Variants in MRC1 observed in about 807,000 individuals in gnomAD.
MRC1 encodes mannose receptor C-type 1.
Under a neutral mutation model 102.9 loss-of-function variants are expected in MRC1, and 62 were observed. That is an observed-to-expected ratio of 0.60 (90% confidence interval 0.49 to 0.74). The LOEUF is 0.74. Ranked by LOEUF, MRC1 falls within the 30% of genes least tolerant of loss-of-function variation. The pLI, the probability that MRC1 is intolerant of heterozygous loss-of-function variation, is 0.00. For missense variants in MRC1, 1,237 were observed against 862.8 expected (o/e 1.43, Z -5.43); for synonymous variants, 457 against 298.4 (o/e 1.53, Z -5.48).
intron 15 of MRC1, among the ~76,000 whole-genome samples, chr10:17,873,033 TAA>T: frequency 6.6e-6 from 1 of 152,330 alleles, no homozygotes; most frequent in Non-Finnish European, 1.5e-5. Context: ...AGTTGTCCTT[TAA>T]TGGTCTCTTA....
chr10:17,873,495 CT>C (rs1212793782), intron 15 of MRC1, among the ~76,000 whole-genome samples: 23,212 of 148,884 alleles, frequency 0.16, 2,318 homozygotes, highest in Non-Finnish European at 0.23. Context: ...AACTCATGAT[CT>C]TTTTTTTTTT....
At chr10:17,867,392 C>T (rs1465221011) in intron 12 of MRC1, among the ~76,000 whole-genome samples, 1 of 140,700 alleles carries the variant, frequency 7.1e-6, no homozygotes, top group Non-Finnish European at 1.5e-5. Context: ...TCTTCTCCTT[C>T]TTCTCCTTCT....
At chr10:17,892,857 A>G (rs1340197513) in intron 22 of MRC1, among the ~76,000 whole-genome samples, 1 of 151,904 alleles carries the variant, frequency 6.6e-6, no homozygotes, top group Non-Finnish European at 1.5e-5. Context: ...TAAAAGTACA[A>G]AAATTAGCTG....
chr10:17,907,601 T>C lies in MRC1; in HGVS notation c.3981T>C (p.Gly1327=), dbSNP rs1200579055. ...FVNWNTGDPS[G]ERNDCVALHA... ...ACTGGAACACAGGAGATCCCTCTGG[T>C]GAACGGAATGATTGTGTAGCTTTAC... is the stretch of plus-strand genomic sequence containing the variant. Residue 1327 remains glycine, a synonymous_variant, in exon 28 of 30, where the codon GGT becomes GGC. Transcript: ENST00000569591. 1.3e-6 allele frequency: 1 copy of C among 780,806 alleles called. No homozygotes were observed. Among genetic ancestry groups the C allele is most frequent in the Non-Finnish European group, 2.4e-6 (1 of 417,984 alleles). The allele number at this position is 780,806 out of a possible 1,614,324, so 48.4% of individuals were successfully genotyped here. A position where few individuals can be genotyped will look rare whatever the true frequency, so the allele number is the denominator to read the frequency against.
intron 26 of MRC1, among the ~76,000 whole-genome samples, chr10:17,903,995 C>T (rs1833864671): frequency 6.6e-6 from 1 of 152,016 alleles, no homozygotes; most frequent in Non-Finnish European, 1.5e-5. Flanking sequence ...TACATATAAA[C>T]ATTTAATTTT....
intron 1 of MRC1, among the ~76,000 whole-genome samples, chr10:17,815,833 CTT>C (rs35361671): frequency 1.0e-4 from 15 of 144,996 alleles, no homozygotes; most frequent in Admixed American, 5.5e-4. Flanking sequence ...TTTTTCTTTT[CTT>C]TTTTTTTTTG....
intron 18 of MRC1, among the ~76,000 whole-genome samples, chr10:17,878,479 G>C (rs1198665771): frequency 2.0e-5 from 3 of 152,084 alleles, no homozygotes; most frequent in Non-Finnish European, 4.4e-5. Context: ...AGAAAAAGCT[G>C]TAGGGACATG....
chr10:17,879,707 A>C lies in MRC1; in HGVS notation c.2619-14A>C. On this transcript the variant is annotated splice_polypyrimidine_tract_variant and intron_variant, in intron 18 of 29. Transcript: ENST00000569591. ...GATTGGATCGTTTCAAAATGCCTGA[A>C]TTTTCTTTTCCAGTTGGATGGATGG... is the stretch of plus-strand genomic sequence containing the variant. 1.3e-6 allele frequency: 1 copy of C among 780,728 alleles called. No individual in the cohort carries two copies. The highest frequency in any genetic ancestry group is 2.4e-6 in the Non-Finnish European group (1 of 417,946). 48.4% of individuals were successfully genotyped at this position (780,728 alleles called of 1,614,324 possible). A position where few individuals can be genotyped will look rare whatever the true frequency, so the allele number is the denominator to read the frequency against.
intron 24 of MRC1, among the ~76,000 whole-genome samples, chr10:17,899,315 T>C (rs1195261002): frequency 6.6e-6 from 1 of 152,238 alleles, no homozygotes; most frequent in Non-Finnish European, 1.5e-5. Context: ...GACTAAGTTT[T>C]TATAATTAAG....
chr10:17,836,015 A>C (rs1205380618), intron 4 of MRC1, among the ~76,000 whole-genome samples: 2 of 152,258 alleles, frequency 1.3e-5, no homozygotes, highest in Non-Finnish European at 2.9e-5. Flanking sequence ...TTCTGCAGCC[A>C]GACTGCCTAG....
At chr10:17,873,959 A>G (rs894800747) in intron 16 of MRC1, 134 bp downstream of exon 16, 1 of 705,964 alleles carries the variant, frequency 1.4e-6, no homozygotes, top group Non-Finnish European at 2.6e-6. Context: ...TGAGAACGTC[A>G]TGGAAATTTG....
chr10:17,890,144 ACT>A (rs1454643797), intron 22 of MRC1, among the ~76,000 whole-genome samples: 2 of 151,606 alleles, frequency 1.3e-5, no homozygotes, highest in Non-Finnish European at 2.9e-5. Flanking sequence ...ATTGCATTCC[ACT>A]CTCTTCTTGC....
chr10:17,832,258 C>A (rs1838585816), intron 3 of MRC1, among the ~76,000 whole-genome samples: 1 of 151,434 alleles, frequency 6.6e-6, no homozygotes, highest in Non-Finnish European at 1.5e-5. Context: ...CCTTACTTTA[C>A]TAGATCAAGG....
At chr10:17,849,885 G>A (rs908681471) in intron 7 of MRC1, 121 bp downstream of exon 7, 9 of 607,160 alleles carry the variant, frequency 1.5e-5, no homozygotes, top group East Asian at 2.6e-5. Context: ...ATAATTCAAC[G>A]AACAACGTAT....
At chr10:17,902,458 G>T (rs1833841489) in intron 26 of MRC1, among the ~76,000 whole-genome samples, 1 of 152,046 alleles carries the variant, frequency 6.6e-6, no homozygotes, top group Non-Finnish European at 1.5e-5. Context: ...TTTTACAAGT[G>T]CCCAGGAACT....
At chr10:17,856,562 G>A (rs1215244892) in intron 9 of MRC1, among the ~76,000 whole-genome samples, 2 of 152,242 alleles carry the variant, frequency 1.3e-5, no homozygotes, top group African/African-American at 4.8e-5. Flanking sequence ...AGGTACACAA[G>A]GCCGGTAGCT....
At chr10:17,874,072 TC>T (rs1833392284) in intron 16 of MRC1, among the ~76,000 whole-genome samples, 1 of 152,192 alleles carries the variant, frequency 6.6e-6, no homozygotes, top group East Asian at 1.9e-4. Flanking sequence ...GGTTCCTTCT[TC>T]TTTAGCACAT....
chr10:17,866,908 G>A (rs1033712276), intron 12 of MRC1, 147 bp downstream of exon 12: 43 of 712,704 alleles, frequency 6.0e-5, no homozygotes, highest in East Asian at 2.7e-4. Context: ...TGATTAACCC[G>A]GGGATCAATT....
At chr10:17,833,069 C>T (rs1428772328) in intron 3 of MRC1, among the ~76,000 whole-genome samples, 2 of 114,952 alleles carry the variant, frequency 1.7e-5, no homozygotes, top group African/African-American at 6.6e-5. Context: ...TTATATTTGT[C>T]TCACTTCCCA....
Sources: allele counts gnomAD v4.1 joint callset (sites outside exome capture counted in the v4.1 genomes callset), GRCh38; gene constraint gnomAD v4.1.1; transcripts MANE v1.5; gene names NCBI Gene and HGNC (gene_info 2026-07-23, HGNC 2026-07-21).